PLEKHG4B: variants seen among roughly 807,000 people sequenced by gnomAD.
The protein encoded by PLEKHG4B is pleckstrin homology domain-containing family G member 4B.
In PLEKHG4B, 111 loss-of-function variants were observed where a neutral mutation model predicts 121.3. That is an observed-to-expected ratio of 0.92 (90% CI 0.78 to 1.07). The LOEUF (loss-of-function observed/expected upper bound fraction) is 1.07. Among genes scored for constraint, PLEKHG4B ranks in the 50% least tolerant of loss-of-function variants. PLEKHG4B has a pLI of 0.00. For synonymous variants in PLEKHG4B, 738 were observed against 725.0 expected, an observed-to-expected ratio of 1.02 and a Z score of -0.29; for missense variants, 1,831 against 1,757.8, an observed-to-expected ratio of 1.04 and a Z score of -0.74.
rs1553992898 is a variant in PLEKHG4B at position 184,003 on chromosome 5, A to AGATC, written c.*1683_*1684insCGAT. 33 of 144,282 alleles carry AGATC rather than the reference A, an allele frequency of 2.3e-4. No homozygotes were observed. Among genetic ancestry groups the AGATC allele is most frequent in the Non-Finnish European group, 4.1e-4 (28 of 67,722 alleles). 8.9% of individuals were successfully genotyped at this position (144,282 alleles called of 1,614,324 possible). On this transcript the variant is annotated 3_prime_UTR_variant, in exon 20 of 20. Transcript: ENST00000637938. ...TAGATAGATAGATCGATAGATAGAT[A>AGATC]GATAGATAGATAGATAGATAGATAG...
chr5:176,297 G>A (rs1736758339), intron 18 of PLEKHG4B, among the ~76,000 whole-genome samples: 1 of 151,758 alleles, frequency 6.6e-6, no homozygotes. Flanking sequence ...TCCTGTTTGG[G>A]GTCTGCCTGA....
At position 113,976 on chromosome 5, in the gene PLEKHG4B, CAA is replaced by C. The variant is rs1480468717; in HGVS notation, c.243+530_243+531del. Among the ~76,000 whole-genome samples the C allele has an allele frequency of 3.3e-5, 5 of 152,198 alleles. No homozygotes were observed. Among genetic ancestry groups the C allele is most frequent in the African/African-American group, 1.2e-4 (5 of 41,440 alleles). On this transcript the variant is annotated intron_variant, in intron 2 of 19. Transcript: ENST00000637938. This position sits in a 1 kb window ranked among gnomAD's most constrained non-coding sequence, Gnocchi z 5.2. ...AGATACCACGCTAATGCCAGACACACAAAGTTTTTGGTTTCCCAGCGCATATA... is the reference window on the plus strand; with the variant it reads ...AGATACCACGCTAATGCCAGACACACAGTTTTTGGTTTCCCAGCGCATATA...
intron 2 of PLEKHG4B, among the ~76,000 whole-genome samples, chr5:134,623 A>G (rs7717104): frequency 0.18 from 27,751 of 151,778 alleles, 3,448 homozygotes; most frequent in African/African-American, 0.35. Flanking sequence ...AAAATTAGCC[A>G]GGTATGGTGG....
intron 18 of PLEKHG4B, among the ~76,000 whole-genome samples, chr5:177,262 A>G (rs1445853092): frequency 1.3e-5 from 2 of 152,162 alleles, no homozygotes; most frequent in Non-Finnish European, 2.9e-5. Flanking sequence ...ATTTAGGACT[A>G]CAGGCTTTCC....
At chr5:129,477 T>C (rs1385621479) in intron 2 of PLEKHG4B, among the ~76,000 whole-genome samples, 1 of 152,210 alleles carries the variant, frequency 6.6e-6, no homozygotes, top group African/African-American at 2.4e-5. Flanking sequence ...CTTACATGTA[T>C]TGATGTATGT....
At position 142,493 on chromosome 5, in the gene PLEKHG4B, C is replaced by T. The variant is rs560182442; in HGVS notation, c.1478-554C>T. On this transcript the variant is annotated intron_variant, in intron 3 of 19. Transcript: ENST00000637938. ...GCTCCAGAGTTACACATATCACACACGCAGTCACACCACACGCAGACACAT... is the reference window on the plus strand; with the variant it reads ...GCTCCAGAGTTACACATATCACACATGCAGTCACACCACACGCAGACACAT... Among the ~76,000 whole-genome samples, 53 of 151,970 alleles carry T rather than the reference C, an allele frequency of 3.5e-4. 1 individual carries two copies. In the South Asian group the frequency reaches 8.7e-3, roughly 25 times the overall value.
rs530587991 is a variant in PLEKHG4B, at chr5:144,824, C to T, written c.1812-3C>T. On this transcript the variant is annotated splice_polypyrimidine_tract_variant and splice_region_variant and intron_variant, in intron 5 of 19. Coordinates refer to ENST00000637938, the MANE Select transcript of PLEKHG4B (RefSeq NM_052909.5). ...TTAAGATGGGCTGTCTTTCCCTCCC[C>T]AGGAAAGAGGTCCGGGACCTGGGGC... is the stretch of plus-strand genomic sequence containing the variant. 1.2e-5 allele frequency: 19 copies of T among 1,611,516 alleles called. No individual in the cohort carries two copies. The South Asian group carries it at 1.8e-4, about 15-fold the overall frequency.
chr5:114,482 G>A (rs1411176532), intron 2 of PLEKHG4B, among the ~76,000 whole-genome samples: 1 of 152,046 alleles, frequency 6.6e-6, no homozygotes, highest in Non-Finnish European at 1.5e-5. Context: ...TTTTGAGATG[G>A]AGTCTTGCTC....
rs1217979509 is a variant in PLEKHG4B at position 188,947 on chromosome 5, C to T, written c.*6624C>T. 6.6e-6 allele frequency: 1 copy of T among 152,248 alleles called. No individual in the cohort carries two copies. The highest frequency in any genetic ancestry group is 1.9e-4 in the East Asian group (1 of 5,196). The allele number at this position is 152,248 out of a possible 1,614,324, so 9.4% of individuals were successfully genotyped here. Reference sequence around the variant, plus strand: ...GGGTCCTAGGGAGAGGCCCGTGCGACGTGAGTAACAGCAGTTTTTCTTCTG... The same window carrying T: ...GGGTCCTAGGGAGAGGCCCGTGCGATGTGAGTAACAGCAGTTTTTCTTCTG... On this transcript the variant is annotated 3_prime_UTR_variant, in exon 20 of 20. Transcript: ENST00000637938.
At position 157,022 on chromosome 5, in the gene PLEKHG4B, A is replaced by G; in HGVS notation, c.2487+111A>G. The G allele has an allele frequency of 7.1e-7, 1 of 1,403,770 alleles. No individual in the cohort carries two copies. 87.0% of individuals were successfully genotyped at this position (1,403,770 alleles called of 1,614,324 possible). ...TCTTTAGGGCCTTGATCTGATTTCC[A>G]TTTGGAATGAAATTATGTCAGGATA... is the stretch of plus-strand genomic sequence containing the variant. On this transcript the variant is annotated intron_variant, in intron 11 of 19. Transcript: ENST00000637938. The surrounding 1 kb of genome is among the most constrained non-coding windows in gnomAD (Gnocchi z 4.6).
chr5:135,187 CAAAA>C (rs35601775), intron 2 of PLEKHG4B, among the ~76,000 whole-genome samples: 11 of 48,774 alleles, frequency 2.3e-4, no homozygotes, highest in Non-Finnish European at 4.2e-4. Context: ...GACTCCAGCT[CAAAA>C]AAAAAAAAAA....
At chr5:152,167 A>G (rs939722592) in intron 7 of PLEKHG4B, among the ~76,000 whole-genome samples, 1 of 149,790 alleles carries the variant, frequency 6.7e-6, no homozygotes, top group African/African-American at 2.5e-5. Context: ...ATTCATGTCT[A>G]TCACCACCTT....
At chr5:111,470 G>A (rs370399248) in intron 1 of PLEKHG4B, among the ~76,000 whole-genome samples, 12 of 152,324 alleles carry the variant, frequency 7.9e-5, no homozygotes, top group South Asian at 4.1e-4. Context: ...TCCTTATGTC[G>A]GGCGGTTGAG....
intron 14 of PLEKHG4B, 35 bp from the exon 15 acceptor site, chr5:171,008 C>T (rs746062116): frequency 1.9e-6 from 3 of 1,561,662 alleles, no homozygotes; most frequent in East Asian, 2.2e-5. Flanking sequence ...GGGCCTGTCA[C>T]TCCCACAGCC....
chr5:152,430 C>G (rs186103242), intron 7 of PLEKHG4B, among the ~76,000 whole-genome samples: 1 of 151,456 alleles, frequency 6.6e-6, no homozygotes, highest in Admixed American at 6.6e-5. Flanking sequence ...AGGCTGGAAT[C>G]GAAGTCCCGG....
In PLEKHG4B at chr5:164,886, C is replaced by G. The variant is rs36189729; in HGVS notation, c.3476+1338C>G. On this transcript the variant is annotated intron_variant, in intron 13 of 19. Coordinates refer to ENST00000637938, the MANE Select transcript of PLEKHG4B (RefSeq NM_052909.5). Reference sequence around the variant, plus strand: ...GGCTCACAGTAATGCTCTGACGGGGCGGAGCTCACACAGTAATGCTGTGAC... The same window carrying G: ...GGCTCACAGTAATGCTCTGACGGGGGGGAGCTCACACAGTAATGCTGTGAC... 6.5e-5 allele frequency among the ~76,000 whole-genome samples: 4 copies of G among 61,824 alleles called. 1 individual carries two copies. Among genetic ancestry groups the G allele is most frequent in the Admixed American group, 1.5e-4 (1 of 6,570 alleles). 40.6% of individuals were successfully genotyped at this position (61,824 alleles called of 152,430 possible).
chr5:171,458 A>G lies in PLEKHG4B; in HGVS notation c.4050+14A>G. 1 of 1,564,658 alleles carries G rather than the reference A, an allele frequency of 6.4e-7. No individual in the cohort carries two copies. The highest frequency in any genetic ancestry group is 8.7e-7 in the Non-Finnish European group (1 of 1,155,470). On this transcript the variant is annotated intron_variant, in intron 16 of 19. Transcript: ENST00000637938. ...CGCGGCTGTGACGTAAGTGCCTCAGACGCTGGCAGCTCAGGCAAGCTGGGG... is the reference window on the plus strand; with the variant it reads ...CGCGGCTGTGACGTAAGTGCCTCAGGCGCTGGCAGCTCAGGCAAGCTGGGG...
At chr5:146,752 C>T (rs531824054) in intron 6 of PLEKHG4B, among the ~76,000 whole-genome samples, 44 of 149,276 alleles carry the variant, frequency 2.9e-4, no homozygotes, top group Non-Finnish European at 4.0e-4. Flanking sequence ...CTACAGTCCT[C>T]CCTCCTCTCT....
chr5:174,154 G>C (rs1736674168), intron 18 of PLEKHG4B, 56 bp downstream of exon 18: 1 of 1,331,142 alleles, frequency 7.5e-7, no homozygotes, highest in Admixed American at 2.2e-5. Context: ...CTAGGGGCAG[G>C]GGTCGGGGCT....
Sources: gnomAD v4.1 joint callset for allele counts (sites outside exome capture counted in the v4.1 genomes callset) on GRCh38, gnomAD v4.1.1 for gene constraint, Gnocchi (gnomAD v3.1) non-coding constraint, MANE v1.5 for transcripts, NCBI Gene and HGNC (gene_info 2026-07-23, HGNC 2026-07-21) for gene names.